BMPR2: variants seen among roughly 807,000 people sequenced by gnomAD.
BMPR2 encodes the protein bone morphogenetic protein receptor type 2, also known as bone morphogenetic protein receptor type-2.
BMPR2 carries 29 observed loss-of-function variants against 100.8 expected under a neutral mutation model. That is an observed-to-expected ratio of 0.29 (90% CI 0.21 to 0.39). BMPR2 has a LOEUF of 0.39. Ranked by LOEUF, BMPR2 falls within the 10% of genes least tolerant of loss-of-function variation. The pLI is 1.00. For synonymous variants in BMPR2, 382 were observed against 442.3 expected (o/e 0.86, Z 1.71); for missense variants, 1,011 against 1,274.5 (o/e 0.79, Z 3.15).
intron 5 of BMPR2, among the ~76,000 whole-genome samples, chr2:202,515,718 T>C (rs1687700135): frequency 6.6e-6 from 1 of 151,820 alleles, no homozygotes; most frequent in East Asian, 1.9e-4. Context: ...GGTGAAACCC[T>C]ATCTCTACTA....
At chr2:202,394,443 T>G (rs2105905759) in intron 1 of BMPR2, among the ~76,000 whole-genome samples, 1 of 152,252 alleles carries the variant, frequency 6.6e-6, no homozygotes, top group Middle Eastern at 3.4e-3. Context: ...AGATGCTTAC[T>G]AGAAGTAACA....
At chr2:202,542,588 G>A in intron 10 of BMPR2, 141 bp downstream of exon 10, 1 of 1,113,286 alleles carries the variant, frequency 9.0e-7, no homozygotes, top group Non-Finnish European at 1.3e-6. Flanking sequence ...TTTTTATGAT[G>A]TTTTCAAATT....
At position 202,534,835 on chromosome 2, in the gene BMPR2, G is replaced by A. The variant is rs182249215; in HGVS notation, c.1276+2103G>A. Reference sequence around the variant, plus strand: ...AGGCTCCTCACCTCCCGGACGGGGCGGCTGGCCAGGCGGGGGGCTGACCCC... The same window carrying A: ...AGGCTCCTCACCTCCCGGACGGGGCAGCTGGCCAGGCGGGGGGCTGACCCC... On this transcript the variant is annotated intron_variant, in intron 9 of 12. Transcript: ENST00000374580. Among the ~76,000 whole-genome samples, 3 of 149,266 alleles carry A rather than the reference G, an allele frequency of 2.0e-5. No homozygotes were observed. The East Asian group carries it at 6.0e-4, about 30-fold the overall frequency.
At chr2:202,493,544 TTTTA>T (rs1291795023) in intron 3 of BMPR2, among the ~76,000 whole-genome samples, 3 of 152,218 alleles carry the variant, frequency 2.0e-5, no homozygotes, top group African/African-American at 7.2e-5. Context: ...TCTTTCCATT[TTTTA>T]TTTAATGATT....
chr2:202,466,068 GA>G (rs1692314957), intron 2 of BMPR2, among the ~76,000 whole-genome samples: 1 of 152,140 alleles, frequency 6.6e-6, no homozygotes, highest in Non-Finnish European at 1.5e-5. Context: ...AATGCATAGT[GA>G]AACACAGTTG....
chr2:202,493,398 A>G (rs971162422), intron 3 of BMPR2, among the ~76,000 whole-genome samples: 1 of 152,152 alleles, frequency 6.6e-6, no homozygotes, highest in Admixed American at 6.5e-5. Context: ...GAATTATACC[A>G]AAAATACTTT....
chr2:202,426,042 A>G (rs775437199), intron 1 of BMPR2, among the ~76,000 whole-genome samples: 4 of 152,246 alleles, frequency 2.6e-5, no homozygotes, highest in Non-Finnish European at 5.9e-5. Flanking sequence ...GGAAACCTGT[A>G]TGGTTGATAC....
intron 3 of BMPR2, among the ~76,000 whole-genome samples, chr2:202,469,141 C>T (rs2105963580): frequency 6.6e-6 from 1 of 152,242 alleles, no homozygotes; most frequent in South Asian, 2.1e-4. Flanking sequence ...AGCGATTCTC[C>T]TGCCTCAGCC....
intron 6 of BMPR2, among the ~76,000 whole-genome samples, chr2:202,519,622 G>A (rs1217470155): frequency 1.3e-5 from 2 of 152,008 alleles, no homozygotes; most frequent in African/African-American, 2.4e-5. Flanking sequence ...TACTTTGATT[G>A]ACATTCATTC....
chr2:202,442,235 C>G (rs961691163), intron 1 of BMPR2, among the ~76,000 whole-genome samples: 1 of 150,306 alleles, frequency 6.7e-6, no homozygotes, highest in African/African-American at 2.5e-5. Flanking sequence ...AAATCTTGTA[C>G]TCATTAGCAG....
At chr2:202,511,903 C>A (rs1273982294) in intron 3 of BMPR2, among the ~76,000 whole-genome samples, 2 of 151,948 alleles carry the variant, frequency 1.3e-5, no homozygotes, top group African/African-American at 4.8e-5. Context: ...AACCTATAAT[C>A]CCAGCAACTC....
intron 8 of BMPR2, 64 bp downstream of exon 8, chr2:202,531,018 A>G: frequency 6.3e-7 from 1 of 1,589,730 alleles, no homozygotes; most frequent in Non-Finnish European, 8.6e-7. Context: ...TAAAACATCT[A>G]CTGGCCAGGT....
intron 3 of BMPR2, among the ~76,000 whole-genome samples, chr2:202,512,233 A>C (rs1213413532): frequency 4.6e-5 from 7 of 152,218 alleles, no homozygotes; most frequent in Admixed American, 4.6e-4. Flanking sequence ...CTACTTTGCC[A>C]TAGAAGCTTC....
chr2:202,465,252 G>A (rs1217681691), intron 2 of BMPR2, among the ~76,000 whole-genome samples: 4 of 151,926 alleles, frequency 2.6e-5, no homozygotes, highest in Admixed American at 2.0e-4. Context: ...AGTCGGGTAT[G>A]GTGGTGTGCG....
Position 202,518,937 on chromosome 2 carries a change from T to C in BMPR2, c.737T>C (p.Ile246Thr), listed in dbSNP as rs143740797. 2 of 1,614,196 alleles carry C rather than the reference T, an allele frequency of 1.2e-6. No homozygotes were observed. The highest frequency in any genetic ancestry group is 1.1e-5 in the South Asian group (1 of 91,080). ...CAGAATTTTATCAACGAAAAGAACATTTACAGAGTGCCTTTGATGGAACAT... is the reference window on the plus strand; with the variant it reads ...CAGAATTTTATCAACGAAAAGAACACTTACAGAGTGCCTTTGATGGAACAT... The part of the protein sequence containing the change: ...NRQNFINEKN[I>T]YRVPLMEHDN... The change falls in exon 6 of 13, where the codon ATT (isoleucine) becomes ACT (threonine). Residue 246 changes from isoleucine (I) to threonine (T), a missense_variant. This residue lies in a region of BMPR2 where 355 missense variants were observed against 455.3 expected (regional missense o/e 0.78). Transcript: ENST00000374580.
At chr2:202,385,143 C>T (rs980245851) in intron 1 of BMPR2, among the ~76,000 whole-genome samples, 1 of 151,828 alleles carries the variant, frequency 6.6e-6, no homozygotes, top group South Asian at 2.1e-4. Flanking sequence ...ATAGTTAAGA[C>T]TTTCTATTAT....
chr2:202,414,658 T>G (rs181530481), intron 1 of BMPR2, among the ~76,000 whole-genome samples: 1 of 152,306 alleles, frequency 6.6e-6, no homozygotes, highest in East Asian at 1.9e-4. Flanking sequence ...GAGAAAAAGT[T>G]TAAGTGGTCT....
rs1334273897 is a variant in BMPR2, at chr2:202,542,350, A to T, written c.1316A>T (p.Glu439Val). 4.3e-6 allele frequency: 7 copies of T among 1,614,000 alleles called. No individual in the cohort carries two copies. In the East Asian group the frequency reaches 1.3e-4, roughly 31 times the overall value. ...GAGTACCAGATGGCTTTTCAGACAGAGGTTGGAAACCATCCCACTTTTGAG... is the reference window on the plus strand; with the variant it reads ...GAGTACCAGATGGCTTTTCAGACAGTGGTTGGAAACCATCCCACTTTTGAG... ...VPEYQMAFQT[E>V]VGNHPTFEDM... The change falls in exon 10 of 13, where the codon GAG becomes GTG. Residue 439 changes from glutamate (E) to valine (V), a missense_variant. Glu to Val is a moderately radical substitution (Grantham distance 121, BLOSUM62 -2). This residue lies in a region of BMPR2 where 83 missense variants were observed against 140.7 expected (regional missense o/e 0.59). Coordinates refer to ENST00000374580, the MANE Select transcript of BMPR2 (RefSeq NM_001204.7).
chr2:202,377,044 A>T lies in BMPR2; in HGVS notation c.-431A>T. 1 of 462,400 alleles carries T rather than the reference A, an allele frequency of 2.2e-6. No individual in the cohort carries two copies. The highest frequency in any genetic ancestry group is 3.8e-6 in the Non-Finnish European group (1 of 264,218). The allele number at this position is 462,400 out of a possible 1,614,324, so 28.6% of individuals were successfully genotyped here. ...CCCGTCCGGCTTCGTCCTTCCCGGC[A>T]GTCGGGAACTAGTTCTGACCCTCGC... is the stretch of plus-strand genomic sequence containing the variant. On this transcript the variant is annotated 5_prime_UTR_variant, in exon 1 of 13. Coordinates refer to ENST00000374580, the MANE Select transcript of BMPR2 (RefSeq NM_001204.7).
Sources: gnomAD v4.1 joint callset for allele counts (sites outside exome capture counted in the v4.1 genomes callset) on GRCh38, gnomAD v4.1.1 for gene constraint, gnomAD v4.1.1 regional missense constraint, MANE v1.5 for transcripts, NCBI Gene and HGNC (gene_info 2026-07-23, HGNC 2026-07-21) for gene names.